Variants in L3MBTL4 observed in about 807,000 individuals in gnomAD.
The protein encoded by L3MBTL4 is lethal(3)malignant brain tumor-like protein 4.
L3MBTL4 carries 70 observed loss-of-function variants against 84.5 expected under a neutral mutation model. The observed-to-expected ratio is 0.83, with a 90% confidence interval of 0.68 to 1.01. The LOEUF (loss-of-function observed/expected upper bound fraction) is 1.01, where lower values mean the gene tolerates loss of function less well. Ranked by LOEUF, L3MBTL4 falls within the 50% of genes least tolerant of loss-of-function variation. The pLI is 0.00. For missense variants in L3MBTL4, 715 were observed against 754.8 expected (o/e 0.95, Z 0.62); for synonymous variants, 274 against 259.8 (o/e 1.05, Z -0.52).
At chr18:6,089,629 AACCTCTCTGAACTTTTAGAT>A (rs2058374311) in intron 15 of L3MBTL4, among the ~76,000 whole-genome samples, 1 of 152,192 alleles carries the variant, frequency 6.6e-6, no homozygotes, top group Non-Finnish European at 1.5e-5. Context: ...GACACTACCT[AACCTCTCTGAACTTTTAGAT>A]GCCTATGTTA....
At chr18:6,346,878 A>G (rs1283377761) in intron 1 of L3MBTL4, among the ~76,000 whole-genome samples, 1 of 152,150 alleles carries the variant, frequency 6.6e-6, no homozygotes, top group East Asian at 1.9e-4. Flanking sequence ...TTGTACTCCC[A>G]TATTCACTGC....
intron 16 of L3MBTL4, among the ~76,000 whole-genome samples, chr18:6,026,660 G>A (rs936627569): frequency 2.0e-5 from 3 of 152,176 alleles, no homozygotes; most frequent in Non-Finnish European, 4.4e-5. Context: ...TAACCACACT[G>A]AGTAACACTA....
At chr18:6,017,089 C>A (rs1324524841) in intron 16 of L3MBTL4, among the ~76,000 whole-genome samples, 2 of 152,192 alleles carry the variant, frequency 1.3e-5, no homozygotes, top group Non-Finnish European at 2.9e-5. Flanking sequence ...GAGGTGAACA[C>A]AACACCCTTC....
At chr18:6,239,340 CAAAAAAAAAAAA>C in intron 9 of L3MBTL4, among the ~76,000 whole-genome samples, 1 of 50,410 alleles carries the variant, frequency 2.0e-5, no homozygotes, top group South Asian at 7.8e-4. Flanking sequence ...GACTCCGTCT[CAAAAAAAAAAAA>C]AAAAAAAATG....
At chr18:6,128,382 C>T (rs1484988306) in intron 14 of L3MBTL4, among the ~76,000 whole-genome samples, 2 of 151,932 alleles carry the variant, frequency 1.3e-5, no homozygotes, top group Non-Finnish European at 2.9e-5. Flanking sequence ...AGGTGAGTCT[C>T]CAGATTGAAA....
At chr18:6,305,797 C>T (rs935987410) in intron 3 of L3MBTL4, among the ~76,000 whole-genome samples, 12 of 152,154 alleles carry the variant, frequency 7.9e-5, no homozygotes, top group South Asian at 2.1e-4. Context: ...TGGCACTGGA[C>T]GCATCACATG....
At position 6,015,844 on chromosome 18, in the gene L3MBTL4, C is replaced by G. The variant is rs138347533; in HGVS notation, c.1445-46282G>C. Reference sequence around the variant, plus strand: ...GCATGATGGCATGCACCTGTAGTCCCAGCTACTCAGGAGGCTGAGGCAGGA... The same window carrying G: ...GCATGATGGCATGCACCTGTAGTCCGAGCTACTCAGGAGGCTGAGGCAGGA... On this transcript the variant is annotated intron_variant, in intron 16 of 18. Transcript: ENST00000317931. 8.5e-5 allele frequency among the ~76,000 whole-genome samples: 13 copies of G among 152,296 alleles called. No homozygotes were observed. In the East Asian group the frequency reaches 2.5e-3, roughly 29 times the overall value.
chr18:5,997,349 C>T (rs989883614), intron 16 of L3MBTL4, among the ~76,000 whole-genome samples: 1 of 142,142 alleles, frequency 7.0e-6, no homozygotes, highest in Admixed American at 6.8e-5. Flanking sequence ...ACCTTCCTCA[C>T]AATTTGCCCA....
rs138216480 is a variant in L3MBTL4 at position 6,377,222 on chromosome 18, G to A, written c.-91+37579C>T. ...AGTAACTGACAAACTCATCTCGTTC[G>A]AAAGTTAAGACCATATAAATAGGTA... On this transcript the variant is annotated intron_variant, in intron 1 of 18. Coordinates refer to ENST00000317931, the MANE Select transcript of L3MBTL4 (RefSeq NM_001330559.2). Among the ~76,000 whole-genome samples the A allele has an allele frequency of 2.7e-3, 411 of 152,142 alleles. 3 individuals are homozygous for A. The highest frequency in any genetic ancestry group is 9.5e-3 in the African/African-American group (394 of 41,496).
At chr18:6,231,600 T>C (rs527260171) in intron 10 of L3MBTL4, among the ~76,000 whole-genome samples, 85 of 152,332 alleles carry the variant, frequency 5.6e-4, no homozygotes, top group Non-Finnish European at 1.1e-3. Context: ...TGTTGTATAC[T>C]TTTCAGTGTA....
rs150384184 is a variant in L3MBTL4 at position 6,140,439 on chromosome 18, A to G, written c.1097-2143T>C. Among the ~76,000 whole-genome samples the G allele has an allele frequency of 2.3e-4, 35 of 152,256 alleles. No individual in the cohort carries two copies. In the East Asian group the frequency reaches 5.0e-3, roughly 22 times the overall value. On this transcript the variant is annotated intron_variant, in intron 13 of 18. Coordinates refer to ENST00000317931, the MANE Select transcript of L3MBTL4 (RefSeq NM_001330559.2). ...TTTTGCATAACTAAGTTCTCCTGGG[A>G]AAAAAATGCACATTGTGCAGACGAG...
intron 1 of L3MBTL4, among the ~76,000 whole-genome samples, chr18:6,401,115 T>A (rs2055493254): frequency 1.3e-5 from 2 of 152,124 alleles, no homozygotes; most frequent in African/African-American, 2.4e-5. Flanking sequence ...AATCTGACAT[T>A]ATATTTGGCT....
intron 16 of L3MBTL4, among the ~76,000 whole-genome samples, chr18:6,071,723 AAG>A (rs1855585255): frequency 3.2e-5 from 4 of 125,464 alleles, no homozygotes; most frequent in Non-Finnish European, 6.8e-5. Context: ...GAAGGAAAGA[AAG>A]AAGGAAAGAA....
At chr18:6,277,339 T>A (rs944721233) in intron 4 of L3MBTL4, among the ~76,000 whole-genome samples, 23 of 152,220 alleles carry the variant, frequency 1.5e-4, no homozygotes, top group African/African-American at 5.1e-4. Context: ...ATTTGAAATT[T>A]ATTTTTACAC....
intron 16 of L3MBTL4, among the ~76,000 whole-genome samples, chr18:6,021,198 G>A (rs2055235650): frequency 6.6e-6 from 1 of 152,212 alleles, no homozygotes; most frequent in African/African-American, 2.4e-5. Context: ...CACCTTGACA[G>A]CAGGGCCAGG....
chr18:5,992,955 T>A (rs2145167874), intron 16 of L3MBTL4, among the ~76,000 whole-genome samples: 1 of 151,962 alleles, frequency 6.6e-6, no homozygotes, highest in East Asian at 1.9e-4. Flanking sequence ...CTAGGTAGAG[T>A]TTCATGAATG....
rs148650110 is a variant in L3MBTL4, at chr18:6,092,944, C to T, written c.1373+411G>A. Among the ~76,000 whole-genome samples, 465 of 152,166 alleles carry T rather than the reference C, an allele frequency of 3.1e-3. 2 individuals carry two copies. Among genetic ancestry groups the T allele is most frequent in the African/African-American group, 0.01 (428 of 41,508 alleles). On this transcript the variant is annotated intron_variant, in intron 15 of 18. Transcript: ENST00000317931. ...ACATTTGTATTAAAGATGACAAAGA[C>T]AAGTAAGAGATAAGAGACGAAATCT...
chr18:6,222,990 G>A (rs2046624111), intron 10 of L3MBTL4, among the ~76,000 whole-genome samples: 1 of 130,140 alleles, frequency 7.7e-6, no homozygotes, highest in Non-Finnish European at 1.7e-5. Context: ...TATAAGCTTT[G>A]CAAGGAAATT....
chr18:6,056,144 A>C (rs2057014918), intron 16 of L3MBTL4, among the ~76,000 whole-genome samples: 1 of 152,118 alleles, frequency 6.6e-6, no homozygotes, highest in Non-Finnish European at 1.5e-5. Flanking sequence ...ACAGTGAGAC[A>C]GCGATTCTGT....
Sources: allele counts gnomAD v4.1 joint callset (sites outside exome capture counted in the v4.1 genomes callset), GRCh38; gene constraint gnomAD v4.1.1; transcripts MANE v1.5; gene names NCBI Gene and HGNC (gene_info 2026-07-23, HGNC 2026-07-21).